RRP1B: variants seen among roughly 807,000 people sequenced by gnomAD.
RRP1B encodes ribosomal RNA processing protein 1 homolog B.
A neutral mutation model predicts 80.2 loss-of-function variants in RRP1B; 56 were observed. The observed-to-expected ratio is 0.70, with a 90% CI of 0.56 to 0.87. The LOEUF (loss-of-function observed/expected upper bound fraction) is 0.87, where lower values mean the gene tolerates loss of function less well. RRP1B is among the 40% of genes least tolerant of loss of function. RRP1B has a pLI of 0.00. For synonymous variants in RRP1B, 351 were observed against 357.6 expected, an observed-to-expected ratio of 0.98 and a Z score of 0.21; for missense variants, 807 against 939.8, an observed-to-expected ratio of 0.86 and a Z score of 1.85.
At position 43,676,753 on chromosome 21, in the gene RRP1B, T is replaced by C; in HGVS notation, c.635T>C (p.Ile212Thr). ...CTCAGCCACACCCTGGTACAGACCATAGCTCGGGGTGTCTTCGAAGCTATC... is the reference window on the plus strand; with the variant it reads ...CTCAGCCACACCCTGGTACAGACCACAGCTCGGGGTGTCTTCGAAGCTATC... ...KTKDHTLVQT[I>T]ARGVFEAIVD... The change falls in exon 8 of 16, where the codon ATA (isoleucine) becomes ACA (threonine). Residue 212 changes from isoleucine to threonine, a missense_variant. By Grantham distance (89) the Ile-to-Thr change is moderately conservative. Transcript: ENST00000340648. The C allele has an allele frequency of 6.2e-7, 1 of 1,614,136 alleles. No homozygotes were observed.
At chr21:43,674,612 T>TC in intron 4 of RRP1B, 24 bp from the exon 5 acceptor site, 1 of 1,327,498 alleles carries the variant, frequency 7.5e-7, no homozygotes, top group Non-Finnish European at 1.0e-6. Flanking sequence ...TTTTTTTTTT[T>TC]AAACAAAAAT....
rs1021990726 is a variant in RRP1B at position 43,667,130 on chromosome 21, G to T, written c.131-2754G>T. 4.6e-5 allele frequency among the ~76,000 whole-genome samples: 7 copies of T among 152,246 alleles called. No individual in the cohort carries two copies. In the South Asian group the frequency reaches 1.2e-3, roughly 27 times the overall value. The stretch of plus-strand genomic sequence containing the variant: ...TGGCATCACCTCTGGCATCTGATGC[G>T]TGATTATTGCCTGTGCATGTTAATG... On this transcript the variant is annotated intron_variant, in intron 1 of 15. Coordinates refer to ENST00000340648, the MANE Select transcript of RRP1B (RefSeq NM_015056.3).
At chr21:43,669,575 A>G (rs2082991390) in intron 1 of RRP1B, among the ~76,000 whole-genome samples, 1 of 152,102 alleles carries the variant, frequency 6.6e-6, no homozygotes, top group Non-Finnish European at 1.5e-5. Flanking sequence ...GTGGGCGGGG[A>G]GGGCGTTGAT....
intron 1 of RRP1B, among the ~76,000 whole-genome samples, chr21:43,661,113 G>T (rs2082954629): frequency 6.6e-6 from 1 of 152,112 alleles, no homozygotes; most frequent in Admixed American, 6.5e-5. Flanking sequence ...CACTTTCCTG[G>T]GAAGTCTGAT....
chr21:43,683,679 C>A (rs1419716410), intron 9 of RRP1B, among the ~76,000 whole-genome samples: 1 of 152,126 alleles, frequency 6.6e-6, no homozygotes, highest in Non-Finnish European at 1.5e-5. Context: ...GTACAGATTG[C>A]AAATCTAGAT....
chr21:43,673,634 CAAA>C (rs557525643), intron 3 of RRP1B, among the ~76,000 whole-genome samples: 15 of 66,070 alleles, frequency 2.3e-4, no homozygotes, highest in Non-Finnish European at 4.2e-4. Context: ...ACCCCGTCTC[CAAA>C]AAAAAAAAAA....
At chr21:43,679,228 G>GTGTT (rs1347620609) in intron 8 of RRP1B, among the ~76,000 whole-genome samples, 38 of 145,222 alleles carry the variant, frequency 2.6e-4, no homozygotes, top group African/African-American at 9.7e-4. Flanking sequence ...TTTTTTGTGT[G>GTGTT]TCTTTTTTTT....
intron 8 of RRP1B, among the ~76,000 whole-genome samples, chr21:43,680,403 C>CAA (rs34344066): frequency 0.037 from 5,478 of 148,480 alleles, 138 homozygotes; most frequent in Middle Eastern, 0.066. Flanking sequence ...ACTAAAAATA[C>CAA]AAAAAAAAAA....
chr21:43,674,192 T>A (rs1229022244), intron 4 of RRP1B, among the ~76,000 whole-genome samples: 1 of 152,250 alleles, frequency 6.6e-6, no homozygotes, highest in African/African-American at 2.4e-5. Flanking sequence ...TCTCTTGCTC[T>A]GCTCCCCAGG....
intron 1 of RRP1B, among the ~76,000 whole-genome samples, chr21:43,667,458 A>G (rs1173251470): frequency 6.6e-6 from 1 of 152,014 alleles, no homozygotes; most frequent in Non-Finnish European, 1.5e-5. Flanking sequence ...TCTGTCGCCC[A>G]AGCTCCATGG....
chr21:43,690,275 C>T lies in RRP1B; in HGVS notation c.1867-13C>T, dbSNP rs541464794. On this transcript the variant is annotated splice_polypyrimidine_tract_variant and intron_variant, in intron 13 of 15. Coordinates refer to ENST00000340648, the MANE Select transcript of RRP1B (RefSeq NM_015056.3). ...CTGACCCCTCCTCCGCTTCTCACCCCTCGCTCACGTAGGGAAGCAGTGGGA... is the reference window on the plus strand; with the variant it reads ...CTGACCCCTCCTCCGCTTCTCACCCTTCGCTCACGTAGGGAAGCAGTGGGA... 5.6e-6 allele frequency: 9 copies of T among 1,613,842 alleles called. No individual in the cohort carries two copies. In the East Asian group the frequency reaches 1.8e-4, roughly 32 times the overall value.
At chr21:43,662,725 C>T (rs756705945) in intron 1 of RRP1B, among the ~76,000 whole-genome samples, 6 of 152,180 alleles carry the variant, frequency 3.9e-5, no homozygotes, top group Non-Finnish European at 5.9e-5. Flanking sequence ...GGCTTTCATC[C>T]ATAAGAGCTT....
chr21:43,684,425 A>G (rs913597160), intron 9 of RRP1B, 128 bp from the exon 10 acceptor site: 62 of 771,904 alleles, frequency 8.0e-5, no homozygotes, highest in Non-Finnish European at 1.3e-4. Context: ...AAGTCCCAGC[A>G]CAAGCTTGTT....
chr21:43,677,269 G>A (rs1271486207), intron 8 of RRP1B, among the ~76,000 whole-genome samples: 2 of 152,110 alleles, frequency 1.3e-5, no homozygotes, highest in South Asian at 2.1e-4. Flanking sequence ...TCATTTCTAC[G>A]GGTTACTCGA....
At position 43,672,321 on chromosome 21, in the gene RRP1B, A is replaced by C; in HGVS notation, c.227A>C (p.Asn76Thr). Residue 76 changes from asparagine (N) to threonine (T), a missense_variant, in exon 3 of 16, where the codon AAC becomes ACC. Transcript: ENST00000340648. ...DEPLLQEELA[N>T]TIAQLVHAVN... ...CCGCCTCTGCAGGAAGAGCTCGCCA[A>C]CACCATTGCACAGCTAGTCCATGCT... 1 of 1,614,106 alleles carries C rather than the reference A, an allele frequency of 6.2e-7. No individual in the cohort carries two copies. The highest frequency in any genetic ancestry group is 1.3e-5 in the African/African-American group (1 of 75,028).
chr21:43,686,872 C>T lies in RRP1B; in HGVS notation c.1078C>T (p.Gln360Ter). The T allele has an allele frequency of 6.2e-7, 1 of 1,613,790 alleles. No homozygotes were observed. The highest frequency in any genetic ancestry group is 8.5e-7 in the Non-Finnish European group (1 of 1,179,872). Residue 360 changes from glutamine to a stop codon, truncating the protein, a stop_gained, in exon 12 of 16, where the codon CAA becomes TAA. Transcript: ENST00000340648. LOFTEE classifies it high-confidence loss of function. ...TGATGAAGATGACCAAATCCTCAGT[C>T]AAGGAAAGCATAAGAAGAAAGGAAA... is the stretch of plus-strand genomic sequence containing the variant. ...SADEDDQILS[Q>*]GKHKKKGNKL...
intron 1 of RRP1B, among the ~76,000 whole-genome samples, chr21:43,665,682 A>G (rs1032107227): frequency 6.6e-6 from 1 of 151,932 alleles, no homozygotes; most frequent in African/African-American, 2.4e-5. Flanking sequence ...GGATTAAATG[A>G]GCGCGCACTC....
At chr21:43,689,462 G>A (rs1006323866) in intron 13 of RRP1B, among the ~76,000 whole-genome samples, 2 of 152,200 alleles carry the variant, frequency 1.3e-5, no homozygotes, top group African/African-American at 4.8e-5. Context: ...TGAGCTGGAC[G>A]GCAGGAGGCC....
In RRP1B at chr21:43,692,933, C is replaced by T. The variant is rs1056125938; in HGVS notation, c.2084-257C>T. Among the ~76,000 whole-genome samples the T allele has an allele frequency of 3.3e-5, 5 of 152,162 alleles. No individual in the cohort carries two copies. The East Asian group carries it at 7.7e-4, about 24-fold the overall frequency. ...AATGTTCACCCTTCCAGGAGCCACC[C>T]TACCAGCAGCTCCCCTTAGTCTGTG... is the stretch of plus-strand genomic sequence containing the variant. On this transcript the variant is annotated intron_variant, in intron 15 of 15. Transcript: ENST00000340648.
Sources: allele counts gnomAD v4.1 joint callset (sites outside exome capture counted in the v4.1 genomes callset), GRCh38; gene constraint gnomAD v4.1.1; transcripts MANE v1.5; gene names NCBI Gene and HGNC (gene_info 2026-07-23, HGNC 2026-07-21).